The following SMARCAD1 variants were observed in gnomAD, a reference collection of about 807,000 sequenced individuals.
SMARCAD1 encodes the protein SWI/SNF-related matrix-associated actin-dependent regulator of chromatin subfamily A containing DEAD/H box 1.
In SMARCAD1, 25 loss-of-function variants were observed where a neutral mutation model predicts 127.1. The observed-to-expected ratio is 0.20, with a 90% CI of 0.14 to 0.27. SMARCAD1 has a LOEUF of 0.27. Among genes scored for constraint, SMARCAD1 ranks in the 10% least tolerant of loss-of-function variants. SMARCAD1 has a pLI of 1.00. For missense variants in SMARCAD1, 807 were observed against 1,206.0 expected (o/e 0.67, Z 4.90); for synonymous variants, 400 against 396.9 (o/e 1.01, Z -0.09).
intron 2 of SMARCAD1, among the ~76,000 whole-genome samples, chr4:94,210,799 TG>T (rs1335582152): frequency 1.0e-3 from 157 of 151,540 alleles, no homozygotes; most frequent in Non-Finnish European, 2.9e-4. Flanking sequence ...CCAGGCATGG[TG>T]GAGCGTGCCT....
chr4:94,278,260 C>T (rs1753573586), intron 16 of SMARCAD1, among the ~76,000 whole-genome samples, 162 bp from the exon 17 acceptor site: 1 of 152,134 alleles, frequency 6.6e-6, no homozygotes, highest in Admixed American at 6.5e-5. Flanking sequence ...AAGTACATGG[C>T]AGCCCAGAAT....
chr4:94,216,876 A>G (rs929991295), intron 2 of SMARCAD1, among the ~76,000 whole-genome samples: 3 of 152,166 alleles, frequency 2.0e-5, no homozygotes, highest in African/African-American at 7.2e-5. Flanking sequence ...TTTGAATTGT[A>G]TTGCAGTAAA....
intron 6 of SMARCAD1, among the ~76,000 whole-genome samples, chr4:94,248,121 T>G (rs1560537302): frequency 6.6e-6 from 1 of 152,200 alleles, no homozygotes; most frequent in Non-Finnish European, 1.5e-5. Context: ...GATTCCACAT[T>G]AGCTTGCTTA....
intron 11 of SMARCAD1, 54 bp from the exon 12 acceptor site, chr4:94,273,563 T>C: frequency 8.0e-7 from 1 of 1,251,394 alleles, no homozygotes; most frequent in Admixed American, 1.8e-5. Context: ...TATTTTTATG[T>C]ATTTATTTTT....
intron 9 of SMARCAD1, among the ~76,000 whole-genome samples, chr4:94,262,139 C>T (rs1348511582): frequency 6.6e-6 from 1 of 152,138 alleles, no homozygotes; most frequent in Non-Finnish European, 1.5e-5. Flanking sequence ...ACCTGTGTGG[C>T]ATCTTTTTCT....
chr4:94,224,969 C>G (rs954472226), intron 2 of SMARCAD1, among the ~76,000 whole-genome samples: 1 of 152,138 alleles, frequency 6.6e-6, no homozygotes, highest in Admixed American at 6.5e-5. Flanking sequence ...AAATTAATTT[C>G]CTAGACCAGG....
At chr4:94,211,969 T>C (rs1486773784) in intron 2 of SMARCAD1, among the ~76,000 whole-genome samples, 4 of 142,426 alleles carry the variant, frequency 2.8e-5, no homozygotes, top group South Asian at 2.5e-4. Flanking sequence ...TGTGTATCAC[T>C]AGCTAACATT....
intron 11 of SMARCAD1, 37 bp from the exon 12 acceptor site, chr4:94,273,580 T>C: frequency 6.9e-7 from 1 of 1,443,648 alleles, no homozygotes. Context: ...TTTTTGTTTG[T>C]TTTAAAATGT....
chr4:94,222,943 G>A (rs1276093554), intron 2 of SMARCAD1, among the ~76,000 whole-genome samples: 2 of 151,972 alleles, frequency 1.3e-5, no homozygotes, highest in African/African-American at 2.4e-5. Flanking sequence ...CAGCCTGGGC[G>A]ACAGAGCAAG....
At chr4:94,245,057 TTA>T (rs1579167323) in intron 6 of SMARCAD1, among the ~76,000 whole-genome samples, 1 of 152,210 alleles carries the variant, frequency 6.6e-6, no homozygotes, top group African/African-American at 2.4e-5. Context: ...AGTGTTTGTG[TTA>T]TGTGTGGCAG....
chr4:94,210,554 T>G (rs1742041708), intron 2 of SMARCAD1, among the ~76,000 whole-genome samples: 1 of 152,146 alleles, frequency 6.6e-6, no homozygotes, highest in Admixed American at 6.6e-5. Context: ...TTGAGCTTAA[T>G]GATAGCGGTA....
chr4:94,233,823 C>T, intron 3 of SMARCAD1, 131 bp from the exon 4 acceptor site: 1 of 976,520 alleles, frequency 1.0e-6, no homozygotes, highest in South Asian at 1.5e-5. Flanking sequence ...CTCTTTCTGA[C>T]AAGTATAGAT....
In SMARCAD1 at chr4:94,222,930, C is replaced by T. The variant is rs1744375179; in HGVS notation, c.191-3189C>T. ...AGGGAGCTGAGATTGTGCCACTGCACTCCAGCCTGGGCGACAGAGCAAGAC... is the reference window on the plus strand; with the variant it reads ...AGGGAGCTGAGATTGTGCCACTGCATTCCAGCCTGGGCGACAGAGCAAGAC... On this transcript the variant is annotated intron_variant, in intron 2 of 23. Transcript: ENST00000354268. Among the ~76,000 whole-genome samples the T allele has an allele frequency of 2.0e-5, 3 of 151,934 alleles. No individual in the cohort carries two copies. In the South Asian group the frequency reaches 6.2e-4, roughly 32 times the overall value.
At chr4:94,231,011 AT>A (rs1745752873) in intron 3 of SMARCAD1, among the ~76,000 whole-genome samples, 1 of 152,218 alleles carries the variant, frequency 6.6e-6, no homozygotes, top group East Asian at 1.9e-4. Flanking sequence ...TTTTTATTCC[AT>A]TCAGCAGTTT....
intron 22 of SMARCAD1, 140 bp from the exon 23 acceptor site, chr4:94,284,820 C>G: frequency 1.6e-6 from 1 of 611,918 alleles, no homozygotes; most frequent in Non-Finnish European, 2.9e-6. Context: ...ATGTCAGTCT[C>G]AAGTGGCTTA....
intron 2 of SMARCAD1, chr4:94,213,225 G>A: frequency 1.8e-6 from 1 of 546,684 alleles, no homozygotes; most frequent in South Asian, 2.1e-5. Flanking sequence ...AAGCAAAGTA[G>A]AATCACTATC....
intron 2 of SMARCAD1, among the ~76,000 whole-genome samples, chr4:94,218,600 CTTTT>C (rs1743587789): frequency 1.3e-5 from 2 of 152,024 alleles, no homozygotes; most frequent in African/African-American, 4.8e-5. Flanking sequence ...TTCACCCTTT[CTTTT>C]GACTTAAATT....
At chr4:94,220,279 G>T (rs987946536) in intron 2 of SMARCAD1, among the ~76,000 whole-genome samples, 2 of 151,920 alleles carry the variant, frequency 1.3e-5, no homozygotes, top group Admixed American at 1.3e-4. Flanking sequence ...ATGGAATTTT[G>T]CTTTGTTGCC....
chr4:94,223,773 A>T (rs1172511436), intron 2 of SMARCAD1, among the ~76,000 whole-genome samples: 1 of 135,764 alleles, frequency 7.4e-6, no homozygotes, highest in Non-Finnish European at 1.5e-5. Flanking sequence ...AGTAGAGACG[A>T]GGTTTCACCA....
Sources: gnomAD v4.1 joint callset for allele counts (sites outside exome capture counted in the v4.1 genomes callset) on GRCh38, gnomAD v4.1.1 for gene constraint, MANE v1.5 for transcripts, NCBI Gene and HGNC (gene_info 2026-07-23, HGNC 2026-07-21) for gene names.